Variants in AUTS2 observed in about 807,000 individuals in gnomAD.
The protein encoded by AUTS2 is activator of transcription and developmental regulator AUTS2, also known as autism susceptibility gene 2 protein.
AUTS2 carries 17 observed loss-of-function variants against 112.4 expected under a neutral mutation model. The ratio of observed to expected loss-of-function variants is 0.15; its 90% CI spans 0.10 to 0.23. The LOEUF is 0.23. Ranked by LOEUF, AUTS2 falls within the 10% of genes least tolerant of loss-of-function variation. AUTS2 has a pLI of 1.00. For missense variants in AUTS2, 1,510 were observed against 1,701.6 expected (o/e 0.89, Z 1.98); for synonymous variants, 751 against 702.7 (o/e 1.07, Z -1.09).
intron 5 of AUTS2, among the ~76,000 whole-genome samples, chr7:70,572,202 G>A (rs894613954): frequency 5.3e-5 from 8 of 152,078 alleles, no homozygotes; most frequent in Non-Finnish European, 1.0e-4. Context: ...CCGCGGGCTT[G>A]GGCGGATGCC....
At chr7:70,735,657 T>A (rs1480612347) in intron 6 of AUTS2, among the ~76,000 whole-genome samples, 1 of 152,188 alleles carries the variant, frequency 6.6e-6, no homozygotes, top group Non-Finnish European at 1.5e-5. Context: ...TTGGCTCTAC[T>A]GTGGTGCTTT....
At chr7:70,685,472 C>CAAAAAAAAAAAA (rs34403837) in intron 5 of AUTS2, among the ~76,000 whole-genome samples, 3 of 65,976 alleles carry the variant, frequency 4.5e-5, no homozygotes, top group Admixed American at 3.1e-4. Flanking sequence ...GACTCTGTCT[C>CAAAAAAAAAAAA]AAAAAAAAAA....
At chr7:70,700,153 C>A (rs182396535) in intron 6 of AUTS2, among the ~76,000 whole-genome samples, 1 of 152,166 alleles carries the variant, frequency 6.6e-6, no homozygotes, top group Admixed American at 6.5e-5. Context: ...TTCTTTCCCC[C>A]CCTTTTTTTC....
rs201873204 is a variant in AUTS2 at position 69,737,210 on chromosome 7, G to GT, written c.309+137256dup. Among the ~76,000 whole-genome samples the GT allele has an allele frequency of 1.5e-3, 228 of 151,832 alleles. 3 individuals carry two copies. The highest frequency in any genetic ancestry group is 0.012 in the Admixed American group (179 of 15,232). On this transcript the variant is annotated intron_variant, in intron 1 of 18. Transcript: ENST00000342771. ...TCTATGTTGTGCGAGTGTATAGATTGTTTTTTTTGTTTCTTTTTTGAGTAA... is the reference window on the plus strand; with the variant it reads ...TCTATGTTGTGCGAGTGTATAGATTGTTTTTTTTTGTTTCTTTTTTGAGTAA...
chr7:69,767,107 A>G (rs1788459850), intron 1 of AUTS2, among the ~76,000 whole-genome samples: 1 of 152,206 alleles, frequency 6.6e-6, no homozygotes. Context: ...GAGGGAATCT[A>G]GGGATCCTTC....
chr7:69,714,353 C>T (rs1798497509), intron 1 of AUTS2, among the ~76,000 whole-genome samples: 1 of 151,702 alleles, frequency 6.6e-6, no homozygotes, highest in South Asian at 2.1e-4. Context: ...ATCGATCCTC[C>T]TGCCTCAGCC....
chr7:70,118,294 A>G (rs1805496253), intron 3 of AUTS2, 61 bp downstream of exon 3: 2 of 1,462,230 alleles, frequency 1.4e-6, no homozygotes, highest in Admixed American at 2.7e-5. Flanking sequence ...GGCCACACAC[A>G]CACCATTGGT....
At chr7:70,781,364 C>CAAAAA (rs756708435) in intron 14 of AUTS2, 41 of 123,284 alleles carry the variant, frequency 3.3e-4, no homozygotes, top group South Asian at 1.2e-3. Flanking sequence ...GACTCCGTCA[C>CAAAAA]AAAAAAAAAA....
intron 2 of AUTS2, among the ~76,000 whole-genome samples, chr7:70,035,478 C>T (rs951331902): frequency 9.2e-5 from 14 of 152,244 alleles, no homozygotes; most frequent in African/African-American, 3.4e-4. Flanking sequence ...GTTTTTATCA[C>T]GTTTGATTTG....
intron 1 of AUTS2, among the ~76,000 whole-genome samples, chr7:69,729,993 A>ATT (rs1786712439): frequency 1.0e-5 from 1 of 96,862 alleles, no homozygotes; most frequent in African/African-American, 4.5e-5. Flanking sequence ...TTGTTGTTTT[A>ATT]ATTTTTTTTT....
chr7:70,790,079 A>C lies in AUTS2; in HGVS notation c.2863A>C (p.Asn955His). ...CCCGGTGGTGGAGAGTGCCAGGCCC[A>C]ACAGCACCTCGAGCCGGGAGGCCGA... is the stretch of plus-strand genomic sequence containing the variant. ...RTPVVESARP[N>H]STSSREAEPR... The change falls in exon 19 of 19, where the codon AAC becomes CAC. Residue 955 changes from asparagine to histidine, a missense_variant. Asn to His is a moderately conservative substitution (Grantham distance 68). Coordinates refer to ENST00000342771, the MANE Select transcript of AUTS2 (RefSeq NM_015570.4). The surrounding 1 kb of genome is among the most constrained non-coding windows in gnomAD (Gnocchi z 7.6). The C allele has an allele frequency of 6.3e-7, 1 of 1,578,084 alleles. No individual in the cohort carries two copies. Among genetic ancestry groups the C allele is most frequent in the Non-Finnish European group, 8.6e-7 (1 of 1,164,146 alleles).
At chr7:70,316,370 C>G (rs1473360005) in intron 4 of AUTS2, among the ~76,000 whole-genome samples, 1 of 151,050 alleles carries the variant, frequency 6.6e-6, no homozygotes, top group Non-Finnish European at 1.5e-5. Context: ...ACCTCTCCTT[C>G]CAGCCATTGC....
chr7:70,741,143 T>G (rs556952280), intron 6 of AUTS2, among the ~76,000 whole-genome samples: 4 of 151,992 alleles, frequency 2.6e-5, no homozygotes, highest in African/African-American at 9.6e-5. Context: ...CTGGGATGAC[T>G]GTTGATCTGT....
At chr7:69,624,932 C>T (rs1187658780) in intron 1 of AUTS2, among the ~76,000 whole-genome samples, 1 of 119,746 alleles carries the variant, frequency 8.4e-6, no homozygotes, top group Non-Finnish European at 1.7e-5. Context: ...CTCGGTGCCC[C>T]CGCCCCCCAC....
At chr7:70,016,092 A>G (rs184773892) in intron 2 of AUTS2, among the ~76,000 whole-genome samples, 1 of 152,304 alleles carries the variant, frequency 6.6e-6, no homozygotes, top group East Asian at 1.9e-4. Context: ...GATATCAAGA[A>G]AACAACAAAG....
intron 2 of AUTS2, among the ~76,000 whole-genome samples, chr7:69,983,743 G>T (rs1798391651): frequency 6.6e-6 from 1 of 151,026 alleles, no homozygotes; most frequent in African/African-American, 2.4e-5. Context: ...CTATAGTTTT[G>T]GGGTAAAATA....
intron 5 of AUTS2, among the ~76,000 whole-genome samples, chr7:70,553,794 TC>T (rs1180793900): frequency 9.1e-5 from 12 of 131,400 alleles, no homozygotes; most frequent in African/African-American, 3.3e-4. Context: ...TGAGACGGAG[TC>T]TTGCTCTGTC....
intron 4 of AUTS2, among the ~76,000 whole-genome samples, chr7:70,301,565 G>A (rs1221841248): frequency 2.0e-5 from 3 of 152,154 alleles, no homozygotes; most frequent in East Asian, 1.9e-4. Context: ...CTAAAGAGGG[G>A]ATTTTGTGGT....
rs376279440 is a variant in AUTS2 at position 70,735,113 on chromosome 7, C to G, written c.743-27757C>G. Reference sequence around the variant, plus strand: ...CCGTCAATTCTGTTCATTTCATATTCTCACAGCCTGTCTCTCAGGTGGGAG... The same window carrying G: ...CCGTCAATTCTGTTCATTTCATATTGTCACAGCCTGTCTCTCAGGTGGGAG... On this transcript the variant is annotated intron_variant, in intron 6 of 18. Transcript: ENST00000342771. Among the ~76,000 whole-genome samples, 3 of 152,082 alleles carry G rather than the reference C, an allele frequency of 2.0e-5. No individual in the cohort carries two copies. In the East Asian group the frequency reaches 5.8e-4, roughly 29 times the overall value.
Sources: gnomAD v4.1 joint callset for allele counts (sites outside exome capture counted in the v4.1 genomes callset) on GRCh38, gnomAD v4.1.1 for gene constraint, Gnocchi (gnomAD v3.1) non-coding constraint, MANE v1.5 for transcripts, NCBI Gene and HGNC (gene_info 2026-07-23, HGNC 2026-07-21) for gene names.